KIAA0319L: variants seen among roughly 807,000 people sequenced by gnomAD.
KIAA0319L encodes the protein dyslexia-associated protein KIAA0319-like protein.
Under a neutral mutation model 120.1 loss-of-function variants are expected in KIAA0319L, and 55 were observed. That is an observed-to-expected ratio of 0.46 (90% CI 0.37 to 0.57). The LOEUF (loss-of-function observed/expected upper bound fraction) is 0.57, where lower values mean the gene tolerates loss of function less well. Among genes scored for constraint, KIAA0319L ranks in the 20% least tolerant of loss-of-function variants. The probability of loss-of-function intolerance (pLI) is 0.00; values close to 1 mark genes in which losing one functional copy is unlikely to be tolerated. For synonymous variants in KIAA0319L, 398 were observed against 471.9 expected, an observed-to-expected ratio of 0.84 and a Z score of 2.03; for missense variants, 1,049 against 1,255.3, an observed-to-expected ratio of 0.84 and a Z score of 2.48.
intron 2 of KIAA0319L, among the ~76,000 whole-genome samples, chr1:35,537,629 A>AC (rs1646632803): frequency 6.6e-6 from 1 of 150,566 alleles, no homozygotes; most frequent in African/African-American, 2.4e-5. Context: ...AAAAAAAAAA[A>AC]AAAAAAAACT....
chr1:35,482,277 A>T (rs984230943), intron 3 of KIAA0319L, among the ~76,000 whole-genome samples: 9 of 152,142 alleles, frequency 5.9e-5, no homozygotes, highest in Admixed American at 5.9e-4. Context: ...TGTTTTGTGT[A>T]TCAATAATTC....
chr1:35,464,442 G>A (rs751861599), intron 7 of KIAA0319L, among the ~76,000 whole-genome samples: 3 of 152,202 alleles, frequency 2.0e-5, no homozygotes, highest in Admixed American at 2.0e-4. Flanking sequence ...GAACTTGAGA[G>A]ATGATTTAGG....
At chr1:35,486,019 G>A (rs920603859) in intron 3 of KIAA0319L, among the ~76,000 whole-genome samples, 1 of 152,310 alleles carries the variant, frequency 6.6e-6, no homozygotes, top group African/African-American at 2.4e-5. Flanking sequence ...AGTAATGGAG[G>A]TAAGGACAGA....
At chr1:35,482,228 G>GA (rs1558430742) in intron 3 of KIAA0319L, among the ~76,000 whole-genome samples, 1 of 152,118 alleles carries the variant, frequency 6.6e-6, no homozygotes, top group Non-Finnish European at 1.5e-5. Flanking sequence ...ATTTCACTCA[G>GA]AAAAATTATT....
At chr1:35,549,500 T>C (rs1321280451) in intron 2 of KIAA0319L, among the ~76,000 whole-genome samples, 1 of 152,208 alleles carries the variant, frequency 6.6e-6, no homozygotes, top group Non-Finnish European at 1.5e-5. Context: ...ACGTATTAAC[T>C]AACTGTATAA....
intron 8 of KIAA0319L, among the ~76,000 whole-genome samples, chr1:35,462,095 T>A (rs960016855): frequency 2.6e-5 from 4 of 152,210 alleles, no homozygotes; most frequent in African/African-American, 7.2e-5. Flanking sequence ...AATCCTCTCA[T>A]GTCACTCACT....
At chr1:35,507,735 T>C (rs1451484356) in intron 2 of KIAA0319L, among the ~76,000 whole-genome samples, 4 of 152,220 alleles carry the variant, frequency 2.6e-5, no homozygotes, top group Non-Finnish European at 5.9e-5. Flanking sequence ...TTGCATATCA[T>C]AGTATCAGCC....
chr1:35,463,367 C>T (rs370919320), intron 7 of KIAA0319L, among the ~76,000 whole-genome samples: 2 of 152,178 alleles, frequency 1.3e-5, no homozygotes, highest in Admixed American at 6.5e-5. Context: ...TCCTTTCAGC[C>T]AAGCCTGACT....
At position 35,437,261 on chromosome 1, in the gene KIAA0319L, G is replaced by T. The variant is rs1408712256; in HGVS notation, c.2963-2180C>A. On this transcript the variant is annotated intron_variant, in intron 20 of 20. Transcript: ENST00000325722. This position sits in a 1 kb window ranked among gnomAD's most constrained non-coding sequence, Gnocchi z 4.1. ...GCACTTCTCCGGGCCATCACCGCCC[G>T]TTTCTCCCCTCCTGCCTCAGAAGAG... Among the ~76,000 whole-genome samples the T allele has an allele frequency of 1.3e-5, 2 of 152,088 alleles. No homozygotes were observed. The highest frequency in any genetic ancestry group is 1.3e-4 in the Admixed American group (2 of 15,264).
At chr1:35,518,418 T>C (rs973967398) in intron 2 of KIAA0319L, among the ~76,000 whole-genome samples, 23 of 152,218 alleles carry the variant, frequency 1.5e-4, no homozygotes, top group Admixed American at 5.2e-4. Context: ...TGCAGGAACA[T>C]GGATAGACCT....
At chr1:35,488,969 C>T (rs1465785757) in intron 3 of KIAA0319L, among the ~76,000 whole-genome samples, 5 of 152,060 alleles carry the variant, frequency 3.3e-5, no homozygotes, top group South Asian at 2.1e-4. Flanking sequence ...GAGAGACAAA[C>T]GAATGGTAGC....
chr1:35,528,699 A>G (rs971144167), intron 2 of KIAA0319L, among the ~76,000 whole-genome samples: 8 of 152,154 alleles, frequency 5.3e-5, no homozygotes, highest in African/African-American at 1.9e-4. Flanking sequence ...TCTATTGTTG[A>G]GAGTGGGGTG....
At chr1:35,552,960 G>A (rs370487828) in intron 2 of KIAA0319L, among the ~76,000 whole-genome samples, 3 of 152,028 alleles carry the variant, frequency 2.0e-5, no homozygotes, top group Admixed American at 6.5e-5. Context: ...GGTGGTGTGC[G>A]CCTGTAATTC....
At chr1:35,469,655 T>C (rs1289926458) in intron 6 of KIAA0319L, among the ~76,000 whole-genome samples, 1 of 151,816 alleles carries the variant, frequency 6.6e-6, no homozygotes, top group African/African-American at 2.4e-5. Flanking sequence ...AAATCCACTC[T>C]ACCTTTCCAA....
Position 35,557,375 on chromosome 1 carries a change from C to T in KIAA0319L, c.-197G>A, listed in dbSNP as rs1176323752. The T allele has an allele frequency of 2.0e-5, 6 of 300,528 alleles. No individual in the cohort carries two copies. Among genetic ancestry groups the T allele is most frequent in the Non-Finnish European group, 2.6e-5 (4 of 152,900 alleles). 18.6% of individuals were successfully genotyped at this position (300,528 alleles called of 1,614,324 possible). A position where few individuals can be genotyped will look rare whatever the true frequency, so the allele number is the denominator to read the frequency against. On this transcript the variant is annotated 5_prime_UTR_variant, in exon 1 of 21. Coordinates refer to ENST00000325722, the MANE Select transcript of KIAA0319L (RefSeq NM_024874.5). ...CCGGACAGCTACCTCTCGCCTCAGC[C>T]TCCCTGGACAGCGACGGCGGCCGGA...
chr1:35,459,447 AT>A (rs1448864228), intron 9 of KIAA0319L, among the ~76,000 whole-genome samples: 1 of 151,980 alleles, frequency 6.6e-6, no homozygotes, highest in East Asian at 1.9e-4. Flanking sequence ...ATACAAAAAA[AT>A]TAGCCGGGCG....
intron 2 of KIAA0319L, among the ~76,000 whole-genome samples, chr1:35,513,140 G>A (rs570631323): frequency 1.3e-5 from 2 of 150,590 alleles, no homozygotes; most frequent in Admixed American, 1.3e-4. Flanking sequence ...TCAACCTCTG[G>A]TCTAAGAGAA....
In KIAA0319L at chr1:35,522,366, G is replaced by A. The variant is rs1427631490; in HGVS notation, c.143-15231C>T. On this transcript the variant is annotated intron_variant, in intron 2 of 20. Coordinates refer to ENST00000325722, the MANE Select transcript of KIAA0319L (RefSeq NM_024874.5). ...ACTATCTTGGCTCACTGCAACCTCC[G>A]CCTCCCAGGTTCAAGTGATTCTCCT... Among the ~76,000 whole-genome samples the A allele has an allele frequency of 4.0e-5, 6 of 151,602 alleles. 1 individual carries two copies. The highest frequency in any genetic ancestry group is 7.4e-5 in the Non-Finnish European group (5 of 67,990).
intron 2 of KIAA0319L, among the ~76,000 whole-genome samples, chr1:35,546,486 G>A (rs533437752): frequency 6.6e-6 from 1 of 152,314 alleles, no homozygotes; most frequent in South Asian, 2.1e-4. Context: ...GTGGGAGAAT[G>A]GAAATAGCAA....
Sources: gnomAD v4.1 joint callset for allele counts (sites outside exome capture counted in the v4.1 genomes callset) on GRCh38, gnomAD v4.1.1 for gene constraint, Gnocchi (gnomAD v3.1) non-coding constraint, MANE v1.5 for transcripts, NCBI Gene and HGNC (gene_info 2026-07-23, HGNC 2026-07-21) for gene names.